Variants in COG5 observed in about 807,000 individuals in gnomAD.
COG5 encodes the protein component of oligomeric golgi complex 5, also known as conserved oligomeric Golgi complex subunit 5.
A neutral mutation model predicts 110.4 loss-of-function variants in COG5; 86 were observed. That is an observed-to-expected ratio of 0.78 (90% CI 0.65 to 0.93). The LOEUF is 0.93. Ranked by LOEUF, COG5 falls within the 40% of genes least tolerant of loss-of-function variation. The pLI, the probability that COG5 is intolerant of heterozygous loss-of-function variation, is 0.00. For synonymous variants in COG5, 360 were observed against 334.6 expected, an observed-to-expected ratio of 1.08 and a Z score of -0.83; for missense variants, 1,077 against 987.0, an observed-to-expected ratio of 1.09 and a Z score of -1.22.
chr7:107,349,874 T>C (rs1427032255), intron 10 of COG5, among the ~76,000 whole-genome samples: 1 of 152,058 alleles, frequency 6.6e-6, no homozygotes, highest in Non-Finnish European at 1.5e-5. Context: ...GTATTTTTAG[T>C]GGAGACAGGG....
chr7:107,395,682 G>C (rs1790948554), intron 7 of COG5, among the ~76,000 whole-genome samples: 1 of 149,396 alleles, frequency 6.7e-6, no homozygotes, highest in African/African-American at 2.5e-5. Context: ...AGCCTCCCAA[G>C]TAGCTGGGAT....
chr7:107,442,298 G>C (rs959522328), intron 6 of COG5, among the ~76,000 whole-genome samples: 3 of 152,112 alleles, frequency 2.0e-5, no homozygotes, highest in Non-Finnish European at 4.4e-5. Flanking sequence ...TAAGTCTCCT[G>C]AGGCTTCCCT....
In COG5 at chr7:107,258,450, T is replaced by TCACA. The variant is rs1554402259; in HGVS notation, c.1576-71_1576-68dup. ...TTCTCTCTCTCTCTCTCTCTCTCTC[T>TCACA]CACACACACACATACACACACACAC... On this transcript the variant is annotated intron_variant, in intron 14 of 21. Coordinates refer to ENST00000297135, the MANE Select transcript of COG5 (RefSeq NM_006348.5). The TCACA allele has an allele frequency of 6.1e-3, 4,276 of 702,758 alleles. 12 individuals carry two copies. The highest frequency in any genetic ancestry group is 0.013 in the Middle Eastern group (50 of 3,934). 43.5% of individuals were successfully genotyped at this position (702,758 alleles called of 1,614,324 possible).
chr7:107,414,703 C>CT lies in COG5; in HGVS notation c.539-2072dup, dbSNP rs530323655. ...ATTGATTCCAAAATCCTCACTGTCC[C>CT]TTTTTTTTTTTTTTTTTTTTTTTTT... On this transcript the variant is annotated intron_variant, in intron 6 of 21. Transcript: ENST00000297135. Among the ~76,000 whole-genome samples the CT allele has an allele frequency of 3.4e-3, 212 of 61,708 alleles. 48 individuals carry two copies. Among genetic ancestry groups the CT allele is most frequent in the Admixed American group, 5.7e-3 (22 of 3,876 alleles). 40.5% of individuals were successfully genotyped at this position (61,708 alleles called of 152,430 possible). A position where few individuals can be genotyped will look rare whatever the true frequency, so the allele number is the denominator to read the frequency against.
chr7:107,484,645 T>C (rs1012523544), intron 6 of COG5, among the ~76,000 whole-genome samples: 1 of 152,204 alleles, frequency 6.6e-6, no homozygotes, highest in Non-Finnish European at 1.5e-5. Flanking sequence ...TTGTTTCTTA[T>C]ATCCCTCAAT....
intron 11 of COG5, among the ~76,000 whole-genome samples, chr7:107,307,082 T>C (rs1420531607): frequency 6.6e-6 from 1 of 152,224 alleles, no homozygotes. Context: ...AAACTATTCA[T>C]TTGCAGCCAC....
intron 6 of COG5, among the ~76,000 whole-genome samples, chr7:107,480,088 T>G (rs1043350343): frequency 1.3e-5 from 2 of 152,106 alleles, no homozygotes; most frequent in African/African-American, 4.8e-5. Flanking sequence ...TAAAGGATAA[T>G]AGTAATGAAA....
intron 21 of COG5, chr7:107,210,103 G>T (rs6967745): frequency 0.21 from 217,563 of 1,040,386 alleles, 23,983 homozygotes; most frequent in Non-Finnish European, 0.22. Context: ...GGTTGTTCTT[G>T]TTTCCTCCTC....
At chr7:107,398,213 A>C (rs1048167750) in intron 7 of COG5, among the ~76,000 whole-genome samples, 4 of 152,236 alleles carry the variant, frequency 2.6e-5, no homozygotes, top group Non-Finnish European at 5.9e-5. Context: ...AAAGCAGTCT[A>C]CCAACTTATC....
At chr7:107,545,171 T>C (rs1802319963) in intron 5 of COG5, among the ~76,000 whole-genome samples, 2 of 152,162 alleles carry the variant, frequency 1.3e-5, no homozygotes, top group Admixed American at 6.5e-5. Context: ...TTATATGTTA[T>C]GGGTGTCCCA....
intron 10 of COG5, among the ~76,000 whole-genome samples, chr7:107,358,182 T>C (rs574775630): frequency 1.1e-4 from 17 of 152,330 alleles, no homozygotes; most frequent in African/African-American, 3.8e-4. Flanking sequence ...ACTGTTCTTA[T>C]GTTGTTTGTA....
chr7:107,490,576 G>A (rs1334024402), intron 6 of COG5, among the ~76,000 whole-genome samples: 2 of 152,062 alleles, frequency 1.3e-5, no homozygotes, highest in African/African-American at 2.4e-5. Context: ...CAAATTTGTT[G>A]TTTAGTTATA....
chr7:107,221,659 G>A (rs1799934722), intron 19 of COG5, among the ~76,000 whole-genome samples: 1 of 151,804 alleles, frequency 6.6e-6, no homozygotes, highest in African/African-American at 2.4e-5. Context: ...CAGCCACTCG[G>A]GAGGCTGAGG....
intron 17 of COG5, among the ~76,000 whole-genome samples, chr7:107,241,280 C>T (rs1801598714): frequency 6.6e-6 from 1 of 151,760 alleles, no homozygotes; most frequent in African/African-American, 2.4e-5. Flanking sequence ...CACTTTTGAA[C>T]AAAAACCATT....
chr7:107,248,410 T>C lies in COG5; in HGVS notation c.1839A>G (p.Gln613=), dbSNP rs775868473. 18 of 1,608,860 alleles carry C rather than the reference T, an allele frequency of 1.1e-5. No individual in the cohort carries two copies. The highest frequency in any genetic ancestry group is 1.4e-5 in the Non-Finnish European group (17 of 1,175,684). ...AIEAIIITMH[Q]EDFSGSLSSS... ...GAAGTAATTACCCAGAAAAGTCTTC[T>C]TGATGCATGGTGATGATTATGGCCT... is the stretch of plus-strand genomic sequence containing the variant. The change falls in exon 17 of 22, where the codon CAA becomes CAG. Residue 613 remains glutamine, a synonymous_variant. Transcript: ENST00000297135.
intron 14 of COG5, 33 bp from the exon 15 acceptor site, chr7:107,258,416 G>T (rs756601985): frequency 1.6e-6 from 2 of 1,213,348 alleles, no homozygotes; most frequent in South Asian, 1.2e-5. Context: ...GAATGTGTCA[G>T]AATGATAATT....
At chr7:107,398,784 T>G (rs1016797128) in intron 7 of COG5, among the ~76,000 whole-genome samples, 8 of 152,166 alleles carry the variant, frequency 5.3e-5, no homozygotes, top group Non-Finnish European at 1.0e-4. Flanking sequence ...TCTATCAAAA[T>G]TAGTAATTGC....
At chr7:107,563,139 GTATAT>G (rs1804038569) in intron 1 of COG5, among the ~76,000 whole-genome samples, 1 of 152,146 alleles carries the variant, frequency 6.6e-6, no homozygotes. Context: ...TGCTTTTCAA[GTATAT>G]TATATCTAAC....
At chr7:107,336,415 G>A (rs1202712317) in intron 10 of COG5, among the ~76,000 whole-genome samples, 1 of 152,084 alleles carries the variant, frequency 6.6e-6, no homozygotes, top group Non-Finnish European at 1.5e-5. Context: ...GACACAAAGG[G>A]GCTGATTGAT....
Sources: gnomAD v4.1 joint callset for allele counts (sites outside exome capture counted in the v4.1 genomes callset) on GRCh38, gnomAD v4.1.1 for gene constraint, MANE v1.5 for transcripts, NCBI Gene and HGNC (gene_info 2026-07-23, HGNC 2026-07-21) for gene names.